The following CST3 variants were observed in gnomAD, a reference collection of about 807,000 sequenced individuals.
The protein encoded by CST3 is cystatin-C.
CST3 carries 14 observed loss-of-function variants against 9.0 expected under a neutral mutation model. The observed-to-expected ratio is 1.56, with a 90% CI of 1.03 to 2.44. CST3 has a LOEUF of 2.44. Ranked by LOEUF, CST3 falls within the 30% of genes most tolerant of loss-of-function variation. The pLI is 0.00. For synonymous variants in CST3, 96 were observed against 90.2 expected, an observed-to-expected ratio of 1.06 and a Z score of -0.37; for missense variants, 237 against 204.3, an observed-to-expected ratio of 1.16 and a Z score of -0.98.
chr20:23,637,331 C>A (rs1162719228), intron 1 of CST3, among the ~76,000 whole-genome samples: 1 of 152,244 alleles, frequency 6.6e-6, no homozygotes, highest in Non-Finnish European at 1.5e-5. Flanking sequence ...CTGTGTGGGA[C>A]GTCCTGTGCC....
exon 4 of CST3, chr20:23,628,604 G>C (rs1412124549): frequency 6.6e-6 from 1 of 152,236 alleles, no homozygotes; most frequent in Non-Finnish European, 1.5e-5. Flanking sequence ...CACAGGGCTG[G>C]AAACCCAACC....
rs1979539895 is a variant in CST3, at chr20:23,633,760, A to C, written c.*156T>G. The C allele has an allele frequency of 4.1e-6, 3 of 726,212 alleles. No homozygotes were observed. Among genetic ancestry groups the C allele is most frequent in the South Asian group, 1.5e-5 (1 of 67,338 alleles). The allele number at this position is 726,212 out of a possible 1,614,324, so 45.0% of individuals were successfully genotyped here. The stretch of plus-strand genomic sequence containing the variant: ...GGGAGGGCAGAGCCCCTTGCTGAGC[A>C]ACAAAGGCCGCCTGCTGCCTTCTCT... On this transcript the variant is annotated 3_prime_UTR_variant, in exon 3 of 3. Coordinates refer to ENST00000376925, the MANE Select transcript of CST3 (RefSeq NM_000099.4).
intron 1 of CST3, 38 bp downstream of exon 1, chr20:23,637,582 G>C: frequency 6.8e-7 from 1 of 1,466,496 alleles, no homozygotes; most frequent in Non-Finnish European, 9.0e-7. Context: ...TGGGACGGCG[G>C]GGCCGGGGCT....
downstream of CST3, chr20:23,633,563 C>A (rs1214111998): frequency 8.9e-6 from 4 of 450,310 alleles, no homozygotes; most frequent in African/African-American, 2.0e-5. Flanking sequence ...GTACTCCTCT[C>A]ATCTTCACAC....
At chr20:23,627,434 T>C (rs762949095) in exon 4 of CST3, 20 of 152,240 alleles carry the variant, frequency 1.3e-4, no homozygotes, top group Non-Finnish European at 2.6e-4. Flanking sequence ...TGATTATCCA[T>C]TCGTCAGTTG....
chr20:23,631,986 T>TGACCCAGA (rs781154961), downstream of CST3: 3 of 152,250 alleles, frequency 2.0e-5, no homozygotes, highest in African/African-American at 7.2e-5. Context: ...CAGGATGTGC[T>TGACCCAGA]GGTCACAGTG....
chr20:23,633,586 G>A (rs1421114159), downstream of CST3: 2 of 499,336 alleles, frequency 4.0e-6, no homozygotes, highest in Admixed American at 6.5e-5. Context: ...GCAGGACAAG[G>A]AGGCTTCATA....
downstream of CST3, among the ~76,000 whole-genome samples, chr20:23,632,815 TG>T (rs1376554300): frequency 6.6e-6 from 1 of 152,226 alleles, no homozygotes; most frequent in Non-Finnish European, 1.5e-5. Context: ...GTCTTAGGAC[TG>T]TAGCCTCCTG....
downstream of CST3, among the ~76,000 whole-genome samples, chr20:23,631,037 CATA>C (rs1008605446): frequency 2.0e-5 from 3 of 151,858 alleles, no homozygotes; most frequent in East Asian, 1.9e-4. Flanking sequence ...CCTAAAAAAA[CATA>C]ATATTTCTAC....
intron 1 of CST3, 71 bp from the exon 2 acceptor site, chr20:23,635,438 C>T (rs1979635279): frequency 7.4e-7 from 1 of 1,359,240 alleles, no homozygotes; most frequent in African/African-American, 1.4e-5. Context: ...AGGCACTTCA[C>T]TGTGACCGGG....
chr20:23,631,078 T>C (rs565056582), downstream of CST3, among the ~76,000 whole-genome samples: 1 of 152,186 alleles, frequency 6.6e-6, no homozygotes, highest in African/African-American at 2.4e-5. Flanking sequence ...ACAGTTTCAT[T>C]TGGAGGAAGA....
downstream of CST3, chr20:23,628,968 GTCTTT>G: frequency 6.6e-6 from 1 of 152,160 alleles, no homozygotes; most frequent in Admixed American, 6.6e-5. Flanking sequence ...CAGACCTCAA[GTCTTT>G]TTTATCTTCA....
intron 1 of CST3, 137 bp from the exon 2 acceptor site, chr20:23,635,504 C>G (rs1979638352): frequency 2.6e-6 from 2 of 761,608 alleles, no homozygotes; most frequent in African/African-American, 1.7e-5. Context: ...CACATTGTCA[C>G]CTGCAAGGCA....
Position 23,637,762 on chromosome 20 carries a change from C to T in CST3, c.101G>A (p.Arg34His), listed in dbSNP as rs768056985. The stretch of plus-strand genomic sequence containing the variant: ...GGCGTCCATGGGGCCTCCCACTAGG[C>T]GCGGCGGCTTGCCGGGACTGGAGCC... The part of the protein sequence containing the change: ...AAGSSPGKPP[R>H]LVGGPMDASV... The change falls in exon 1 of 3, where the codon CGC (arginine) becomes CAC (histidine). Residue 34 changes from arginine to histidine, a missense_variant. By Grantham distance (29) the Arg-to-His change is conservative. Transcript: ENST00000376925. 6.5e-7 allele frequency: 1 copy of T among 1,529,950 alleles called. No individual in the cohort carries two copies. Among genetic ancestry groups the T allele is most frequent in the African/African-American group, 1.4e-5 (1 of 70,024 alleles). 94.8% of individuals were successfully genotyped at this position (1,529,950 alleles called of 1,614,324 possible).
downstream of CST3, among the ~76,000 whole-genome samples, chr20:23,630,222 G>A (rs1342934420): frequency 6.6e-6 from 1 of 152,168 alleles, no homozygotes; most frequent in Non-Finnish European, 1.5e-5. Flanking sequence ...GGATTGCCAT[G>A]TGCAGCCAGG....
chr20:23,637,616 G>A lies in CST3; in HGVS notation c.243+4C>T. ...CTTCGGACCCTGCGGGGGGCGGCAC[G>A]CACCTGCTTGCGGGCGCGCACCACC... On this transcript the variant is annotated splice_donor_region_variant and intron_variant, in intron 1 of 2. Transcript: ENST00000376925. The A allele has an allele frequency of 6.6e-7, 1 of 1,516,350 alleles. No homozygotes were observed. Among genetic ancestry groups the A allele is most frequent in the Non-Finnish European group, 8.8e-7 (1 of 1,132,932 alleles). 93.9% of individuals were successfully genotyped at this position (1,516,350 alleles called of 1,614,324 possible).
At chr20:23,632,765 C>A (rs1979497964), downstream of CST3, among the ~76,000 whole-genome samples, 1 of 152,210 alleles carries the variant, frequency 6.6e-6, no homozygotes, top group African/African-American at 2.4e-5. Flanking sequence ...GCACCCCTGT[C>A]CTAAAATGGC....
At chr20:23,635,421 C>A in intron 1 of CST3, 54 bp from the exon 2 acceptor site, 1 of 1,447,488 alleles carries the variant, frequency 6.9e-7, no homozygotes, top group Non-Finnish European at 9.6e-7. Context: ...CAGTTTCTTA[C>A]ACACACAGGC....
Position 23,637,810 on chromosome 20 carries a change from G to A in CST3, c.53C>T (p.Ala18Val). Residue 18 changes from alanine to valine, a missense_variant, in exon 1 of 3, where the codon GCC (alanine) becomes GTC (valine). Transcript: ENST00000376925. ...PLLLLAILAV[A>V]LAVSPAAGSS... The stretch of plus-strand genomic sequence containing the variant: ...GCCGGCCGCGGGGCTCACGGCCAGG[G>A]CCACGGCCAGGATGGCCAGCAGGAG... 1 of 1,509,160 alleles carries A rather than the reference G, an allele frequency of 6.6e-7. No individual in the cohort carries two copies. The highest frequency in any genetic ancestry group is 8.8e-7 in the Non-Finnish European group (1 of 1,130,186). The allele number at this position is 1,509,160 out of a possible 1,614,324, so 93.5% of individuals were successfully genotyped here.
Sources: gnomAD v4.1 joint callset for allele counts (sites outside exome capture counted in the v4.1 genomes callset) on GRCh38, gnomAD v4.1.1 for gene constraint, MANE v1.5 for transcripts, NCBI Gene and HGNC (gene_info 2026-07-23, HGNC 2026-07-21) for gene names.